B3GNT6: variants seen among roughly 807,000 people sequenced by gnomAD.
B3GNT6 encodes acetylgalactosaminyl-O-glycosyl-glycoprotein beta-1,3-N-acetylglucosaminyltransferase.
For synonymous variants in B3GNT6, 300 were observed against 270.0 expected, an observed-to-expected ratio of 1.11 and a Z score of -1.09; for missense variants, 624 against 568.6, an observed-to-expected ratio of 1.10 and a Z score of -0.99.
rs1340452722 is a variant in B3GNT6 at position 77,039,971 on chromosome 11, G to T, written c.420G>T (p.Trp140Cys). 1.3e-6 allele frequency: 2 copies of T among 1,589,920 alleles called. No homozygotes were observed. Among genetic ancestry groups the T allele is most frequent in the African/African-American group, 2.7e-5 (2 of 73,878 alleles). Residue 140 changes from tryptophan (W) to cysteine (C), a missense_variant, in exon 2 of 2, where the codon TGG becomes TGT. Transcript: ENST00000622824. The part of the protein sequence containing the change: ...YERRELIRRT[W>C]GQERSYGGRP... The stretch of plus-strand genomic sequence containing the variant: ...GACGCGAGCTCATCCGGCGCACGTG[G>T]GGGCAAGAGCGCAGCTACGGCGGGC...
chr11:77,039,431 A>G (rs1410318780), intron 1 of B3GNT6, 121 bp from the exon 2 acceptor site: 2 of 1,483,968 alleles, frequency 1.3e-6, no homozygotes, highest in Non-Finnish European at 1.8e-6. Flanking sequence ...TTTACCACTT[A>G]ACAGCAGAGT....
At chr11:77,035,042 C>T (rs545929841) in intron 1 of B3GNT6, among the ~76,000 whole-genome samples, 1 of 152,188 alleles carries the variant, frequency 6.6e-6, no homozygotes, top group Admixed American at 6.5e-5. Context: ...GCCTGTAATC[C>T]CAGCTACTAG....
Position 77,040,885 on chromosome 11 carries a change from A to G in B3GNT6, c.*179A>G. On this transcript the variant is annotated 3_prime_UTR_variant, in exon 2 of 2. Transcript: ENST00000622824. ...CCTACATCCTGGCTCCATCTCCCGA[A>G]GTTTCGATTTGATTAGTCTGGGGTG... 1 of 1,095,574 alleles carries G rather than the reference A, an allele frequency of 9.1e-7. No homozygotes were observed. Among genetic ancestry groups the G allele is most frequent in the South Asian group, 2.0e-5 (1 of 50,310 alleles). 67.9% of individuals were successfully genotyped at this position (1,095,574 alleles called of 1,614,324 possible). A position where few individuals can be genotyped will look rare whatever the true frequency, so the allele number is the denominator to read the frequency against.
In B3GNT6 at chr11:77,040,842, T is replaced by TG. The variant is rs1243427286; in HGVS notation, c.*142dup. ...AGCTGCGCACTGAAATCAGCTGGGG[T>TG]GGGGGGTGTGGAAAATGCCTACATC... On this transcript the variant is annotated 3_prime_UTR_variant, in exon 2 of 2. Transcript: ENST00000622824. The TG allele has an allele frequency of 5.9e-6, 8 of 1,349,158 alleles. No homozygotes were observed. In the South Asian group the frequency reaches 6.7e-5, roughly 11 times the overall value. 83.6% of individuals were successfully genotyped at this position (1,349,158 alleles called of 1,614,324 possible).
intron 1 of B3GNT6, among the ~76,000 whole-genome samples, chr11:77,035,352 T>C (rs1555026810): frequency 6.6e-6 from 1 of 152,236 alleles, no homozygotes; most frequent in Non-Finnish European, 1.5e-5. Context: ...GTTATTCTGG[T>C]GCCTACTACA....
rs999325119 is a variant in B3GNT6 at position 77,039,995 on chromosome 11, G to A, written c.444G>A (p.Gly148=). Residue 148 remains glycine, a synonymous_variant, in exon 2 of 2, where the codon GGG becomes GGA. Transcript: ENST00000622824. The part of the protein sequence containing the change: ...RTWGQERSYG[G]RPVRRLFLLG... ...GGGGGCAAGAGCGCAGCTACGGCGGGCGGCCAGTGCGCCGCCTCTTTCTAT... is the reference window on the plus strand; with the variant it reads ...GGGGGCAAGAGCGCAGCTACGGCGGACGGCCAGTGCGCCGCCTCTTTCTAT... 3.8e-6 allele frequency: 6 copies of A among 1,575,148 alleles called. No individual in the cohort carries two copies. Among genetic ancestry groups the A allele is most frequent in the Non-Finnish European group, 5.1e-6 (6 of 1,169,294 alleles).
At position 77,040,104 on chromosome 11, in the gene B3GNT6, G is replaced by A. The variant is rs782520683; in HGVS notation, c.553G>A (p.Val185Met). The change falls in exon 2 of 2, where the codon GTG becomes ATG. Residue 185 changes from valine (V) to methionine (M), a missense_variant. By Grantham distance (21) the Val-to-Met change is conservative. Coordinates refer to ENST00000622824, the MANE Select transcript of B3GNT6 (RefSeq NM_138706.5). Reference sequence around the variant, plus strand: ...GCTGGAGGCGCGCGAGCACGGCGACGTGCTGCAGTGGGCCTTCGCGGACAC... The same window carrying A: ...GCTGGAGGCGCGCGAGCACGGCGACATGCTGCAGTGGGCCTTCGCGGACAC... Reference protein sequence around the residue: ...VALEAREHGDVLQWAFADTFL... With the variant: ...VALEAREHGDMLQWAFADTFL... The A allele has an allele frequency of 3.3e-5, 53 of 1,596,802 alleles. No homozygotes were observed. The highest frequency in any genetic ancestry group is 4.2e-5 in the Non-Finnish European group (50 of 1,178,812).
In B3GNT6 at chr11:77,040,145, G is replaced by C; in HGVS notation, c.594G>C (p.Thr198=). The part of the protein sequence containing the change: ...WAFADTFLNL[T]LKHLHLLDWL... ...TCGCGGACACCTTCCTCAACCTCAC[G>C]CTCAAGCACCTGCACTTGCTCGACT... Residue 198 remains threonine (T), a synonymous_variant, in exon 2 of 2, where the codon ACG becomes ACC. Coordinates refer to ENST00000622824, the MANE Select transcript of B3GNT6 (RefSeq NM_138706.5). The C allele has an allele frequency of 6.3e-7, 1 of 1,599,210 alleles. No homozygotes were observed. The highest frequency in any genetic ancestry group is 8.5e-7 in the Non-Finnish European group (1 of 1,179,440).
In B3GNT6 at chr11:77,039,770, C is replaced by T. The variant is rs113106938; in HGVS notation, c.219C>T (p.Asn73=). The T allele has an allele frequency of 8.6e-5, 136 of 1,588,204 alleles. No individual in the cohort carries two copies. Among genetic ancestry groups the T allele is most frequent in the Non-Finnish European group, 1.1e-4 (129 of 1,171,268 alleles). The change falls in exon 2 of 2, where the codon AAC becomes AAT. Residue 73 remains asparagine, a synonymous_variant. Transcript: ENST00000622824. ...ELVPGPPCVA[N]ASANATADFE... is the part of the protein sequence containing the mutation. ...TCCCCGGGCCCCCGTGCGTGGCGAA[C>T]GCCTCGGCGAACGCCACGGCCGACT...
At chr11:77,036,501 GA>G (rs1189309280) in intron 1 of B3GNT6, among the ~76,000 whole-genome samples, 33 of 152,262 alleles carry the variant, frequency 2.2e-4, no homozygotes, top group African/African-American at 7.2e-4. Flanking sequence ...AAAATACCTG[GA>G]AGTATTTATT....
rs1401345360 is a variant in B3GNT6 at position 77,039,933 on chromosome 11, G to A, written c.382G>A (p.Glu128Lys). ...FLLLAVKSAP[E>K]HYERRELIRR... Reference sequence around the variant, plus strand: ...GCTCCTGGCGGTGAAGTCGGCGCCTGAGCACTACGAGCGACGCGAGCTCAT... The same window carrying A: ...GCTCCTGGCGGTGAAGTCGGCGCCTAAGCACTACGAGCGACGCGAGCTCAT... Residue 128 changes from glutamate (E) to lysine (K), a missense_variant, in exon 2 of 2, where the codon GAG becomes AAG. Physicochemically the swap from Glu to Lys is moderately conservative, Grantham distance 56. Coordinates refer to ENST00000622824, the MANE Select transcript of B3GNT6 (RefSeq NM_138706.5). 2 of 1,592,442 alleles carry A rather than the reference G, an allele frequency of 1.3e-6. No individual in the cohort carries two copies. The highest frequency in any genetic ancestry group is 1.7e-6 in the Non-Finnish European group (2 of 1,176,950).
Position 77,041,064 on chromosome 11 carries a change from G to A in B3GNT6, c.*358G>A. 1 of 252,654 alleles carries A rather than the reference G, an allele frequency of 4.0e-6. No individual in the cohort carries two copies. Among genetic ancestry groups the A allele is most frequent in the Non-Finnish European group, 7.5e-6 (1 of 134,208 alleles). The allele number at this position is 252,654 out of a possible 1,614,324, so 15.7% of individuals were successfully genotyped here. ...TTCCGGGCCCCTCGCTCCCACACTCGGGTCCTCTTGAGCAGTGGAGCAAGG... is the reference window on the plus strand; with the variant it reads ...TTCCGGGCCCCTCGCTCCCACACTCAGGTCCTCTTGAGCAGTGGAGCAAGG... On this transcript the variant is annotated 3_prime_UTR_variant, in exon 2 of 2. Coordinates refer to ENST00000622824, the MANE Select transcript of B3GNT6 (RefSeq NM_138706.5).
In B3GNT6 at chr11:77,040,965, T is replaced by G. The variant is rs1949682877; in HGVS notation, c.*259T>G. 5 of 507,384 alleles carry G rather than the reference T, an allele frequency of 9.9e-6. No homozygotes were observed. The South Asian group carries it at 2.2e-4, about 23-fold the overall frequency. 31.4% of individuals were successfully genotyped at this position (507,384 alleles called of 1,614,324 possible). On this transcript the variant is annotated 3_prime_UTR_variant, in exon 2 of 2. Coordinates refer to ENST00000622824, the MANE Select transcript of B3GNT6 (RefSeq NM_138706.5). ...TCCTCCAGTGATGCGAATGTGCAGC[T>G]AGGCCTGAGGACCACTCGGCTAGAC...
Position 77,040,028 on chromosome 11 carries a change from C to G in B3GNT6, c.477C>G (p.Thr159=), listed in dbSNP as rs781831695. The change falls in exon 2 of 2, where the codon ACC becomes ACG. Residue 159 remains threonine, a synonymous_variant. Transcript: ENST00000622824. ...RPVRRLFLLG[T]PGPEDEARAE... is the part of the protein sequence containing the mutation. ...TGCGCCGCCTCTTTCTATTGGGCACCCCGGGCCCCGAGGACGAGGCGCGCG... is the reference window on the plus strand; with the variant it reads ...TGCGCCGCCTCTTTCTATTGGGCACGCCGGGCCCCGAGGACGAGGCGCGCG... 3.2e-6 allele frequency: 5 copies of G among 1,578,464 alleles called. No individual in the cohort carries two copies. The highest frequency in any genetic ancestry group is 4.3e-6 in the Non-Finnish European group (5 of 1,171,030).
At chr11:77,038,186 G>C (rs1166243642) in intron 1 of B3GNT6, among the ~76,000 whole-genome samples, 1 of 144,750 alleles carries the variant, frequency 6.9e-6, no homozygotes, top group East Asian at 2.0e-4. Flanking sequence ...TTATTAGAGA[G>C]GGGGAACTGA....
In B3GNT6 at chr11:77,036,463, AG is replaced by A. The variant is rs150490423; in HGVS notation, c.-1+1988del. ...GTATGGACTGTAATACACAAGCAAT[AG>A]GGTTCGGTGCAATAACACCTATGTG... On this transcript the variant is annotated intron_variant, in intron 1 of 1. Coordinates refer to ENST00000622824, the MANE Select transcript of B3GNT6 (RefSeq NM_138706.5). 4.5e-3 allele frequency among the ~76,000 whole-genome samples: 684 copies of A among 152,324 alleles called. 2 individuals carry two copies. The highest frequency in any genetic ancestry group is 0.015 in the African/African-American group (637 of 41,572).
rs1440242466 is a variant in B3GNT6, at chr11:77,041,672, T to TGTGGGGCCGGGCGAG, written c.*971_*985dup. 1 of 152,440 alleles carries TGTGGGGCCGGGCGAG rather than the reference T, an allele frequency of 6.6e-6. No individual in the cohort carries two copies. Among genetic ancestry groups the TGTGGGGCCGGGCGAG allele is most frequent in the Non-Finnish European group, 1.5e-5 (1 of 68,320 alleles). 9.4% of individuals were successfully genotyped at this position (152,440 alleles called of 1,614,324 possible). A position where few individuals can be genotyped will look rare whatever the true frequency, so the allele number is the denominator to read the frequency against. On this transcript the variant is annotated 3_prime_UTR_variant, in exon 2 of 2. Coordinates refer to ENST00000622824, the MANE Select transcript of B3GNT6 (RefSeq NM_138706.5). ...GACCGAAGTGGACAGTGGTTAAGAT[T>TGTGGGGCCGGGCGAG]GTGGGGCCGGGCGAGGTGGCTCACG...
chr11:77,039,650 G>A lies in B3GNT6; in HGVS notation c.99G>A (p.Ala33=), dbSNP rs1555027398. ...CACTGCAGCAGTGGTTCCTCCAGGC[G>A]CCAAGGTCCCCGCGGGAGGAGAGGT... ...FLALQQWFLQ[A]PRSPREERSP... is the part of the protein sequence containing the mutation. Residue 33 remains alanine (A), a synonymous_variant, in exon 2 of 2, where the codon GCG becomes GCA. Transcript: ENST00000622824. The A allele has an allele frequency of 6.2e-7, 1 of 1,613,112 alleles. No homozygotes were observed. Among genetic ancestry groups the A allele is most frequent in the Admixed American group, 1.7e-5 (1 of 59,976 alleles).
At chr11:77,038,613 T>C (rs1427892713) in intron 1 of B3GNT6, among the ~76,000 whole-genome samples, 1 of 152,004 alleles carries the variant, frequency 6.6e-6, no homozygotes, top group African/African-American at 2.4e-5. Flanking sequence ...ATGCAGAACC[T>C]GATGTGACTG....
Sources: gnomAD v4.1 joint callset for allele counts (sites outside exome capture counted in the v4.1 genomes callset) on GRCh38, gnomAD v4.1.1 for gene constraint, MANE v1.5 for transcripts, NCBI Gene and HGNC (gene_info 2026-07-23, HGNC 2026-07-21) for gene names.